The following HABP4 variants were observed in gnomAD, a reference collection of about 807,000 sequenced individuals.
HABP4 encodes the protein hyaluronan binding protein 4.
A neutral mutation model predicts 44.1 loss-of-function variants in HABP4; 32 were observed. That is an observed-to-expected ratio of 0.73 (90% CI 0.55 to 0.97). HABP4 has a LOEUF of 0.97. Among genes scored for constraint, HABP4 ranks in the 50% least tolerant of loss-of-function variants. HABP4 has a pLI of 0.00. For synonymous variants in HABP4, 216 were observed against 218.0 expected, an observed-to-expected ratio of 0.99 and a Z score of 0.08; for missense variants, 503 against 561.9, an observed-to-expected ratio of 0.90 and a Z score of 1.06.
intron 1 of HABP4, among the ~76,000 whole-genome samples, chr9:96,453,870 A>G (rs911711436): frequency 2.0e-5 from 3 of 151,850 alleles, no homozygotes. Context: ...ATCTCTTAGT[A>G]CTAAATTGTG....
intron 4 of HABP4, among the ~76,000 whole-genome samples, chr9:96,469,275 T>G (rs1263217125): frequency 1.3e-5 from 2 of 152,234 alleles, no homozygotes; most frequent in African/African-American, 4.8e-5. Context: ...CCTTTCAACT[T>G]TTATTGTGAA....
upstream of HABP4, chr9:96,450,166 G>T: frequency 9.2e-7 from 1 of 1,092,708 alleles, no homozygotes; most frequent in Non-Finnish European, 1.1e-6. The surrounding 1 kb of genome is among the most constrained non-coding windows in gnomAD (Gnocchi z 4.8). Context: ...GGCCGGACAG[G>T]GTAGGGCCCG....
intron 1 of HABP4, among the ~76,000 whole-genome samples, chr9:96,455,877 A>G (rs986857055): frequency 1.3e-5 from 2 of 152,004 alleles, no homozygotes; most frequent in African/African-American, 4.8e-5. Flanking sequence ...CAACATGGTG[A>G]AACCCCATCT....
At chr9:96,486,303 T>C (rs986405416) in intron 6 of HABP4, among the ~76,000 whole-genome samples, 1 of 152,236 alleles carries the variant, frequency 6.6e-6, no homozygotes, top group African/African-American at 2.4e-5. Context: ...AAATGGCTTT[T>C]TGTAGACATA....
intron 5 of HABP4, among the ~76,000 whole-genome samples, chr9:96,474,473 C>T (rs1832747641): frequency 6.6e-6 from 1 of 152,118 alleles, no homozygotes; most frequent in African/African-American, 2.4e-5. Flanking sequence ...TATTTAGTCA[C>T]TGTGAAAGAA....
chr9:96,482,720 T>C (rs1832900438), intron 5 of HABP4, among the ~76,000 whole-genome samples: 1 of 152,224 alleles, frequency 6.6e-6, no homozygotes, highest in South Asian at 2.1e-4. Context: ...CTGGCTCCTC[T>C]GAATATTTCA....
At chr9:96,468,888 T>C (rs1179817759) in intron 4 of HABP4, among the ~76,000 whole-genome samples, 1 of 152,228 alleles carries the variant, frequency 6.6e-6, no homozygotes, top group African/African-American at 2.4e-5. Context: ...GAAGGAGTTA[T>C]GTGCTACTTT....
chr9:96,487,060 TCA>T (rs757983863), intron 6 of HABP4, among the ~76,000 whole-genome samples: 108 of 152,022 alleles, frequency 7.1e-4, no homozygotes, highest in Non-Finnish European at 1.4e-3. Context: ...CTGTTTTTCT[TCA>T]CCTTTTTAGC....
chr9:96,463,706 C>T (rs1480167752), intron 2 of HABP4, among the ~76,000 whole-genome samples: 4 of 152,282 alleles, frequency 2.6e-5, no homozygotes, highest in Admixed American at 1.3e-4. Context: ...ACTGGCATGA[C>T]GTTAATGATC....
Position 96,465,783 on chromosome 9 carries a change from G to C in HABP4, c.743+5G>C. On this transcript the variant is annotated splice_donor_5th_base_variant and intron_variant, in intron 4 of 7. Transcript: ENST00000375249. ...GGGATCGGGTAAAGATACCAGGTACGGTGTAAGTGTGTGCCCTCTGAGAAC... is the reference window on the plus strand; with the variant it reads ...GGGATCGGGTAAAGATACCAGGTACCGTGTAAGTGTGTGCCCTCTGAGAAC... The C allele has an allele frequency of 6.6e-7, 1 of 1,508,392 alleles. No homozygotes were observed. Among genetic ancestry groups the C allele is most frequent in the East Asian group, 2.3e-5 (1 of 44,418 alleles). The allele number at this position is 1,508,392 out of a possible 1,614,324, so 93.4% of individuals were successfully genotyped here.
At chr9:96,473,687 G>T (rs1440042777) in intron 5 of HABP4, among the ~76,000 whole-genome samples, 1 of 152,096 alleles carries the variant, frequency 6.6e-6, no homozygotes, top group African/African-American at 2.4e-5. Flanking sequence ...CCTTCTCTGG[G>T]TTCACCATGA....
intron 6 of HABP4, among the ~76,000 whole-genome samples, chr9:96,486,744 C>G (rs1030768913): frequency 5.9e-5 from 9 of 152,034 alleles, no homozygotes; most frequent in Admixed American, 2.6e-4. Context: ...GGCAGAAGCA[C>G]TAGAATACCT....
chr9:96,465,399 T>TGC lies in HABP4; in HGVS notation c.579_580dup (p.Gly194AlafsTer33). The stretch of plus-strand genomic sequence containing the variant: ...GGACGTGGAGGCCCGAGAGGGGGTA[T>TGC]GCGCGGCAGAGGCAGAGGTGGCCCT... On this transcript the variant is annotated frameshift_variant, in exon 3 of 8. Coordinates refer to ENST00000375249, the MANE Select transcript of HABP4 (RefSeq NM_014282.4). LOFTEE classifies it high-confidence loss of function. 6.2e-7 allele frequency: 1 copy of TGC among 1,609,422 alleles called. No individual in the cohort carries two copies.
chr9:96,458,848 C>T (rs1832448753), intron 2 of HABP4, among the ~76,000 whole-genome samples: 1 of 152,030 alleles, frequency 6.6e-6, no homozygotes, highest in Non-Finnish European at 1.5e-5. Context: ...TCTTGAACTC[C>T]CAACCTCAGG....
chr9:96,488,343 T>G lies in HABP4; in HGVS notation c.1185+69T>G. 9.6e-7 allele frequency: 1 copy of G among 1,044,758 alleles called. No individual in the cohort carries two copies. The highest frequency in any genetic ancestry group is 1.5e-5 in the South Asian group (1 of 64,892). The allele number at this position is 1,044,758 out of a possible 1,614,324, so 64.7% of individuals were successfully genotyped here. A position where few individuals can be genotyped will look rare whatever the true frequency, so the allele number is the denominator to read the frequency against. On this transcript the variant is annotated intron_variant, in intron 7 of 7. Transcript: ENST00000375249. The surrounding 1 kb of genome is among the most constrained non-coding windows in gnomAD (Gnocchi z 4.6). ...ACAGTGCCCTGGGCCCAGGATGGTC[T>G]AATTTCAGAGGGTCATGAGTTTCTG...
chr9:96,462,332 T>G (rs1177805818), intron 2 of HABP4, among the ~76,000 whole-genome samples: 1 of 151,772 alleles, frequency 6.6e-6, no homozygotes, highest in East Asian at 1.9e-4. Flanking sequence ...ACGCCTGTGA[T>G]CCCAGCTAGT....
At position 96,463,966 on chromosome 9, in the gene HABP4, T is replaced by A. The variant is rs1832553023; in HGVS notation, c.513-1371T>A. On this transcript the variant is annotated intron_variant, in intron 2 of 7. Coordinates refer to ENST00000375249, the MANE Select transcript of HABP4 (RefSeq NM_014282.4). ...CCTTTCCAAATTAGAAAACATTTAT[T>A]AAACTATTGTTACAATGGTGAAAAA... Among the ~76,000 whole-genome samples the A allele has an allele frequency of 3.9e-5, 6 of 152,220 alleles. No homozygotes were observed. The South Asian group carries it at 1.2e-3, about 32-fold the overall frequency.
chr9:96,485,609 G>T (rs999777655), intron 6 of HABP4, among the ~76,000 whole-genome samples: 1 of 152,204 alleles, frequency 6.6e-6, no homozygotes, highest in Non-Finnish European at 1.5e-5. Flanking sequence ...CAGTTTTGCA[G>T]GGAGAGGTTT....
chr9:96,463,166 G>A (rs1205566390), intron 2 of HABP4, among the ~76,000 whole-genome samples: 1 of 151,998 alleles, frequency 6.6e-6, no homozygotes, highest in Non-Finnish European at 1.5e-5. Context: ...AGCTAGTCTC[G>A]AACTCCTGGG....
Sources: allele counts gnomAD v4.1 joint callset (sites outside exome capture counted in the v4.1 genomes callset), GRCh38; gene constraint gnomAD v4.1.1; non-coding constraint Gnocchi (gnomAD v3.1); transcripts MANE v1.5; gene names NCBI Gene and HGNC (gene_info 2026-07-23, HGNC 2026-07-21).